Variants in GRM8 observed in about 807,000 individuals in gnomAD.
The protein encoded by GRM8 is glutamate metabotropic receptor 8.
A neutral mutation model predicts 87.2 loss-of-function variants in GRM8; 47 were observed. The observed-to-expected ratio is 0.54, with a 90% CI of 0.43 to 0.69. The LOEUF is 0.69. GRM8 is among the 30% of genes least tolerant of loss of function. The probability of loss-of-function intolerance (pLI) is 0.00; values close to 1 mark genes in which losing one functional copy is unlikely to be tolerated. For synonymous variants in GRM8, 396 were observed against 404.5 expected, an observed-to-expected ratio of 0.98 and a Z score of 0.25; for missense variants, 1,019 against 1,139.2, an observed-to-expected ratio of 0.89 and a Z score of 1.52.
chr7:126,542,295 A>G (rs1325675452), intron 8 of GRM8, among the ~76,000 whole-genome samples: 3 of 152,246 alleles, frequency 2.0e-5, no homozygotes, highest in African/African-American at 7.2e-5. Context: ...GTCAGCTAAT[A>G]AACGTGGATT....
At chr7:127,015,080 A>AGAAGAAGGAGAAGGAGAAG (rs1815398944) in intron 3 of GRM8, among the ~76,000 whole-genome samples, 1 of 94,192 alleles carries the variant, frequency 1.1e-5, no homozygotes, top group Admixed American at 1.0e-4. Context: ...AGAAAGAAGG[A>AGAAGAAGGAGAAGGAGAAG]GAAGAAGGAG....
chr7:126,989,013 T>C (rs1157773799), intron 3 of GRM8, among the ~76,000 whole-genome samples: 1 of 152,208 alleles, frequency 6.6e-6, no homozygotes, highest in East Asian at 1.9e-4. Context: ...TAATATATGA[T>C]TGTTTGAATG....
chr7:126,439,761 C>T (rs1024558838), intron 10 of GRM8, among the ~76,000 whole-genome samples: 1 of 150,546 alleles, frequency 6.6e-6, no homozygotes, highest in Admixed American at 6.7e-5. Context: ...TAAGACCTTC[C>T]AGTGGAATAA....
At chr7:126,690,239 C>A (rs892537148) in intron 7 of GRM8, among the ~76,000 whole-genome samples, 7 of 152,208 alleles carry the variant, frequency 4.6e-5, no homozygotes, top group African/African-American at 1.7e-4. Context: ...GCGCTCAGCT[C>A]GCGCTACTGG....
intron 9 of GRM8, among the ~76,000 whole-genome samples, chr7:126,455,859 C>A (rs913631367): frequency 1.3e-5 from 2 of 151,368 alleles, no homozygotes; most frequent in Non-Finnish European, 3.0e-5. Context: ...AACTGACAAC[C>A]AAGAATTAGC....
At chr7:127,047,419 T>C (rs1360995829) in intron 3 of GRM8, among the ~76,000 whole-genome samples, 1 of 152,170 alleles carries the variant, frequency 6.6e-6, no homozygotes, top group Non-Finnish European at 1.5e-5. Context: ...TAACTTCTCC[T>C]AATCTCTGTT....
intron 6 of GRM8, among the ~76,000 whole-genome samples, chr7:126,781,394 G>C (rs1471251646): frequency 6.6e-6 from 1 of 152,168 alleles, no homozygotes; most frequent in Middle Eastern, 3.2e-3. Context: ...CCCAGGAACA[G>C]AGAAAGAGAT....
intron 3 of GRM8, among the ~76,000 whole-genome samples, chr7:127,021,760 C>A (rs6959432): frequency 0.011 from 1,679 of 152,174 alleles, 27 homozygotes; most frequent in African/African-American, 0.037. Context: ...TTTAGCCACA[C>A]AACTAGTAAT....
At chr7:126,888,876 T>C (rs561803778) in intron 6 of GRM8, among the ~76,000 whole-genome samples, 171 of 152,000 alleles carry the variant, frequency 1.1e-3, no homozygotes, top group Non-Finnish European at 1.9e-3. Flanking sequence ...CAAATGAAAA[T>C]CTACAATTCT....
At chr7:126,971,071 A>G (rs1810367832) in intron 3 of GRM8, among the ~76,000 whole-genome samples, 1 of 151,798 alleles carries the variant, frequency 6.6e-6, no homozygotes, top group Non-Finnish European at 1.5e-5. Context: ...AAAATGTGAC[A>G]CAGAGATACT....
chr7:127,065,765 C>A (rs1396214289), intron 3 of GRM8, among the ~76,000 whole-genome samples: 3 of 152,180 alleles, frequency 2.0e-5, no homozygotes, highest in Non-Finnish European at 4.4e-5. Flanking sequence ...CCAGCGAAGT[C>A]TGGGACAGAG....
chr7:126,788,698 A>G (rs1820950668), intron 6 of GRM8, among the ~76,000 whole-genome samples: 1 of 151,904 alleles, frequency 6.6e-6, no homozygotes, highest in African/African-American at 2.4e-5. Flanking sequence ...TTAGCAGCAA[A>G]CCACGAGAGC....
At chr7:127,029,101 G>A (rs146540146) in intron 3 of GRM8, among the ~76,000 whole-genome samples, 1,678 of 152,278 alleles carry the variant, frequency 0.011, 27 homozygotes, top group African/African-American at 0.037. Flanking sequence ...TTACCCAGTA[G>A]TTATTCAGGA....
chr7:126,870,815 C>T (rs1799031162), intron 6 of GRM8, among the ~76,000 whole-genome samples: 1 of 152,178 alleles, frequency 6.6e-6, no homozygotes, highest in South Asian at 2.1e-4. Context: ...TGAGCACATG[C>T]CATTAGAAAA....
rs149436765 is a variant in GRM8, at chr7:127,159,895, C to T, written c.511-53183G>A. ...GACATAAATTGCAATAAAACATGCT[C>T]GCAAAACTGAAGCATCCTACTTTAT... On this transcript the variant is annotated intron_variant, in intron 2 of 10. Transcript: ENST00000339582. Among the ~76,000 whole-genome samples the T allele has an allele frequency of 3.6e-3, 541 of 152,120 alleles. 3 individuals carry two copies. Among genetic ancestry groups the T allele is most frequent in the African/African-American group, 0.012 (500 of 41,510 alleles).
chr7:126,912,170 C>T (rs1803379298), intron 3 of GRM8, among the ~76,000 whole-genome samples: 1 of 152,040 alleles, frequency 6.6e-6, no homozygotes, highest in Non-Finnish European at 1.5e-5. Flanking sequence ...GCACTCCAGC[C>T]TGGGCAACAG....
At chr7:126,667,099 C>T (rs1241501354) in intron 7 of GRM8, among the ~76,000 whole-genome samples, 1 of 152,164 alleles carries the variant, frequency 6.6e-6, no homozygotes, top group East Asian at 1.9e-4. Context: ...ATAGCACTTA[C>T]TATATGTCAG....
At chr7:127,177,689 C>G (rs534300866) in intron 2 of GRM8, among the ~76,000 whole-genome samples, 9 of 152,320 alleles carry the variant, frequency 5.9e-5, no homozygotes, top group African/African-American at 2.2e-4. Flanking sequence ...GTGCAGACAA[C>G]CCCCAGTACC....
chr7:126,473,815 G>A (rs1245817187), intron 9 of GRM8, among the ~76,000 whole-genome samples: 1 of 152,026 alleles, frequency 6.6e-6, no homozygotes, highest in African/African-American at 2.4e-5. Context: ...TCTCATGGTA[G>A]TGAATATGTC....
Sources: gnomAD v4.1 joint callset for allele counts (sites outside exome capture counted in the v4.1 genomes callset) on GRCh38, gnomAD v4.1.1 for gene constraint, MANE v1.5 for transcripts, NCBI Gene and HGNC (gene_info 2026-07-23, HGNC 2026-07-21) for gene names.